The following MPHOSPH8 variants were observed in gnomAD, a reference collection of about 807,000 sequenced individuals.
MPHOSPH8 encodes M-phase phosphoprotein, mpp.
MPHOSPH8 carries 45 observed loss-of-function variants against 87.3 expected under a neutral mutation model. That is an observed-to-expected ratio of 0.52 (90% CI 0.41 to 0.66). The LOEUF (loss-of-function observed/expected upper bound fraction) is 0.66, where lower values mean the gene tolerates loss of function less well. Among genes scored for constraint, MPHOSPH8 ranks in the 30% least tolerant of loss-of-function variants. The pLI, the probability that MPHOSPH8 is intolerant of heterozygous loss-of-function variation, is 0.00. For missense variants in MPHOSPH8, 883 were observed against 1,020.2 expected (o/e 0.87, Z 1.83); for synonymous variants, 366 against 376.9 (o/e 0.97, Z 0.33).
chr13:19,656,570 G>A (rs1188566905), intron 5 of MPHOSPH8, among the ~76,000 whole-genome samples: 2 of 152,066 alleles, frequency 1.3e-5, no homozygotes, highest in Non-Finnish European at 2.9e-5. Context: ...GACCAGCCTG[G>A]CCAACATGGT....
In MPHOSPH8 at chr13:19,646,763, TA is replaced by T; in HGVS notation, c.695del (p.Lys232ArgfsTer4). The T allele has an allele frequency of 6.3e-7, 1 of 1,581,826 alleles. No individual in the cohort carries two copies. The highest frequency in any genetic ancestry group is 1.9e-5 in the Admixed American group (1 of 52,488). On this transcript the variant is annotated frameshift_variant, in exon 3 of 14. Transcript: ENST00000361479. LOFTEE classifies it high-confidence loss of function. ...AAGAAACAAAAGAATTAAAGAAAGT[TA>T]AAAAGGGTGAAATAAGAGATTTAAA... ...VKETKELKKVKKGEIRDLKTK... is the reference protein window; with the variant it reads ...VKETKELKKVXKGEIRDLKTK...
Position 19,661,731 on chromosome 13 carries a change from G to A in MPHOSPH8, c.1825G>A (p.Ala609Thr), listed in dbSNP as rs376824629. ...SSGMTLVMLA[A>T]AGGQDDLLRL... ...TGGAATGACACTGGTGATGCTTGCC[G>A]CCGCCGGAGGGCAGGACGACCTCCT... is the stretch of plus-strand genomic sequence containing the variant. The change falls in exon 8 of 14, where the codon GCC (alanine) becomes ACC (threonine). Residue 609 changes from alanine (A) to threonine (T), a missense_variant. Ala to Thr is a moderately conservative substitution (Grantham distance 58, BLOSUM62 0). Around this residue, in one of 3 missense-constraint regions of MPHOSPH8, gnomAD observed 741 missense variants for 841.5 expected, o/e 0.88. Coordinates refer to ENST00000361479, the MANE Select transcript of MPHOSPH8 (RefSeq NM_017520.4). The A allele has an allele frequency of 4.3e-6, 7 of 1,609,792 alleles. No homozygotes were observed. The East Asian group carries it at 6.7e-5, about 15-fold the overall frequency.
chr13:19,641,174 C>T (rs1015346397), intron 1 of MPHOSPH8, among the ~76,000 whole-genome samples: 2 of 152,140 alleles, frequency 1.3e-5, no homozygotes, highest in Admixed American at 6.6e-5. Flanking sequence ...TTGTTTTCCA[C>T]ACCAGGGTCT....
chr13:19,655,568 AG>A, intron 5 of MPHOSPH8, among the ~76,000 whole-genome samples: 1 of 152,256 alleles, frequency 6.6e-6, no homozygotes, highest in Admixed American at 6.5e-5. Flanking sequence ...GATTTTTTAT[AG>A]AGATGGGTTT....
At chr13:19,646,361 A>C in intron 2 of MPHOSPH8, 82 bp from the exon 3 acceptor site, 1 of 1,165,872 alleles carries the variant, frequency 8.6e-7, no homozygotes, top group Non-Finnish European at 1.1e-6. Flanking sequence ...AAATATTCTT[A>C]CCAAATTTCA....
At chr13:19,652,205 T>C (rs991627195) in intron 5 of MPHOSPH8, among the ~76,000 whole-genome samples, 16 of 152,200 alleles carry the variant, frequency 1.1e-4, no homozygotes, top group Admixed American at 5.2e-4. Flanking sequence ...AAGCAGGTGA[T>C]TTCTGCATTT....
chr13:19,643,845 C>G (rs1593470604), intron 2 of MPHOSPH8, among the ~76,000 whole-genome samples: 1 of 152,094 alleles, frequency 6.6e-6, no homozygotes, highest in Non-Finnish European at 1.5e-5. Context: ...CCATGCTGAC[C>G]TCTGTAACTC....
intron 7 of MPHOSPH8, chr13:19,660,970 A>C (rs567702200): frequency 2.0e-6 from 2 of 984,684 alleles, no homozygotes; most frequent in Admixed American, 1.2e-4. Context: ...AGAAGATACA[A>C]AAATGAGAGC....
chr13:19,648,966 G>A (rs913543981), intron 4 of MPHOSPH8, among the ~76,000 whole-genome samples: 1 of 152,170 alleles, frequency 6.6e-6, no homozygotes, highest in African/African-American at 2.4e-5. Context: ...TGTAGCAAAA[G>A]TACTTGGAAC....
chr13:19,637,571 C>T (rs879832521), intron 1 of MPHOSPH8, among the ~76,000 whole-genome samples: 8 of 152,036 alleles, frequency 5.3e-5, no homozygotes, highest in African/African-American at 1.4e-4. Flanking sequence ...AAAATCCACC[C>T]GCCTCGGCCT....
chr13:19,648,593 A>G (rs1480490405), intron 4 of MPHOSPH8, 72 bp downstream of exon 4: 2 of 639,626 alleles, frequency 3.1e-6, no homozygotes, highest in African/African-American at 1.9e-5. Context: ...ACCTAAATTT[A>G]TTATATAAAA....
rs368856622 is a variant in MPHOSPH8, at chr13:19,663,140, G to T, written c.2019+14G>T. On this transcript the variant is annotated intron_variant, in intron 9 of 13. Coordinates refer to ENST00000361479, the MANE Select transcript of MPHOSPH8 (RefSeq NM_017520.4). ...GCACTGATGAAGGTAAATCCCTCCT[G>T]CAGGTCATCCCTTTCTTCACTACGT... 2.2e-5 allele frequency: 35 copies of T among 1,604,218 alleles called. No individual in the cohort carries two copies. Among genetic ancestry groups the T allele is most frequent in the Non-Finnish European group, 2.9e-5 (34 of 1,171,322 alleles).
At position 19,633,977 on chromosome 13, in the gene MPHOSPH8, C is replaced by G; in HGVS notation, c.213+16C>G. On this transcript the variant is annotated intron_variant, in intron 1 of 13. Transcript: ENST00000361479. Reference sequence around the variant, plus strand: ...GACCGAGGGGGTATGTGGAGGGGCCCCGGCGCGGGGCTGGGCGGGGAGCTC... The same window carrying G: ...GACCGAGGGGGTATGTGGAGGGGCCGCGGCGCGGGGCTGGGCGGGGAGCTC... 1 of 1,598,322 alleles carries G rather than the reference C, an allele frequency of 6.3e-7. No individual in the cohort carries two copies. The highest frequency in any genetic ancestry group is 8.5e-7 in the Non-Finnish European group (1 of 1,173,372).
intron 1 of MPHOSPH8, among the ~76,000 whole-genome samples, chr13:19,638,458 A>T (rs981428703): frequency 6.6e-6 from 1 of 150,742 alleles, no homozygotes; most frequent in Non-Finnish European, 1.5e-5. Flanking sequence ...ACTAAAATAC[A>T]AAAAATTAGC....
intron 11 of MPHOSPH8, among the ~76,000 whole-genome samples, chr13:19,669,091 T>C (rs887435818): frequency 6.6e-6 from 1 of 152,200 alleles, no homozygotes; most frequent in African/African-American, 2.4e-5. Flanking sequence ...TGTAAATGGT[T>C]TGTATTCATT....
intron 5 of MPHOSPH8, 156 bp downstream of exon 5, chr13:19,650,416 G>A (rs912444091): frequency 6.0e-6 from 5 of 832,388 alleles, no homozygotes; most frequent in African/African-American, 5.2e-5. Context: ...TATTGAAGAC[G>A]GGTCATTCTG....
At chr13:19,663,851 G>A (rs1337208729) in intron 9 of MPHOSPH8, among the ~76,000 whole-genome samples, 1 of 152,152 alleles carries the variant, frequency 6.6e-6, no homozygotes, top group Non-Finnish European at 1.5e-5. Context: ...GCGGGGGCCT[G>A]CCCACAGCGC....
Position 19,670,378 on chromosome 13 carries a change from AT to A in MPHOSPH8, c.2457+18del. On this transcript the variant is annotated intron_variant, in intron 12 of 13. Coordinates refer to ENST00000361479, the MANE Select transcript of MPHOSPH8 (RefSeq NM_017520.4). ...CTGTTTTTCTGGTAAGATACTCTGTATTTCACTACTGAAAAGTACATTCTTC... is the reference window on the plus strand; with the variant it reads ...CTGTTTTTCTGGTAAGATACTCTGTATTCACTACTGAAAAGTACATTCTTC... The A allele has an allele frequency of 6.2e-7, 1 of 1,611,562 alleles. No homozygotes were observed. Among genetic ancestry groups the A allele is most frequent in the Non-Finnish European group, 8.5e-7 (1 of 1,178,286 alleles).
At chr13:19,671,549 T>C (rs1876126158) in intron 13 of MPHOSPH8, among the ~76,000 whole-genome samples, 1 of 152,148 alleles carries the variant, frequency 6.6e-6, no homozygotes, top group South Asian at 2.1e-4. Flanking sequence ...ATCTAGGCCT[T>C]GGTATGGAGT....
Sources: allele counts gnomAD v4.1 joint callset (sites outside exome capture counted in the v4.1 genomes callset), GRCh38; gene constraint gnomAD v4.1.1; regional missense constraint gnomAD v4.1.1; transcripts MANE v1.5; gene names NCBI Gene and HGNC (gene_info 2026-07-23, HGNC 2026-07-21).